Variants in SPTLC1 observed in about 807,000 individuals in gnomAD.
The protein encoded by SPTLC1 is serine palmitoyltransferase long chain base subunit 1, also known as serine palmitoyltransferase 1.
In SPTLC1, 55 loss-of-function variants were observed where a neutral mutation model predicts 68.9. That is an observed-to-expected ratio of 0.80 (90% CI 0.64 to 1.00). The LOEUF (loss-of-function observed/expected upper bound fraction) is 1.00, where lower values mean the gene tolerates loss of function less well. SPTLC1 is among the 50% of genes least tolerant of loss of function. SPTLC1 has a pLI of 0.00. For missense variants in SPTLC1, 449 were observed against 573.1 expected (o/e 0.78, Z 2.21); for synonymous variants, 197 against 201.6 (o/e 0.98, Z 0.19).
intron 3 of SPTLC1, among the ~76,000 whole-genome samples, chr9:92,091,552 T>G (rs767594891): frequency 6.6e-6 from 1 of 152,226 alleles, no homozygotes; most frequent in Non-Finnish European, 1.5e-5. Context: ...ATTTTAAATA[T>G]ATATGTGCAA....
At chr9:92,093,297 T>C (rs995326514) in intron 3 of SPTLC1, among the ~76,000 whole-genome samples, 4 of 152,214 alleles carry the variant, frequency 2.6e-5, no homozygotes, top group Admixed American at 1.3e-4. Context: ...TGGTCTCGAA[T>C]TGATAAGACT....
At chr9:92,046,096 G>C (rs1833505083) in intron 11 of SPTLC1, 43 bp from the exon 12 acceptor site, 1 of 1,498,452 alleles carries the variant, frequency 6.7e-7, no homozygotes, top group Non-Finnish European at 9.3e-7. Context: ...TGAAACTTAT[G>C]ATAGTACTAA....
chr9:92,085,608 A>G (rs1383652586), intron 3 of SPTLC1, among the ~76,000 whole-genome samples: 1 of 149,662 alleles, frequency 6.7e-6, no homozygotes, highest in Non-Finnish European at 1.5e-5. Flanking sequence ...TCTGAGAGAC[A>G]GTTTGTTATA....
At chr9:92,035,085 G>A (rs771948098) in intron 13 of SPTLC1, among the ~76,000 whole-genome samples, 1 of 152,208 alleles carries the variant, frequency 6.6e-6, no homozygotes, top group African/African-American at 2.4e-5. Flanking sequence ...CCTCTGTTGT[G>A]TAGTGCCCAG....
intron 5 of SPTLC1, among the ~76,000 whole-genome samples, chr9:92,073,190 A>C (rs1420674808): frequency 1.3e-5 from 2 of 152,164 alleles, no homozygotes; most frequent in African/African-American, 4.8e-5. Context: ...ACCTTTCCCA[A>C]ATCAGTCAGC....
At chr9:92,052,606 T>C (rs1451302532) in intron 8 of SPTLC1, among the ~76,000 whole-genome samples, 1 of 151,894 alleles carries the variant, frequency 6.6e-6, no homozygotes, top group African/African-American at 2.4e-5. Context: ...CTCGGCTCAC[T>C]GCAACCTCCA....
At chr9:92,114,481 A>C (rs1836363708) in intron 1 of SPTLC1, among the ~76,000 whole-genome samples, 2 of 152,302 alleles carry the variant, frequency 1.3e-5, no homozygotes, top group African/African-American at 4.8e-5. Flanking sequence ...CAAGCCTATA[A>C]TCCCAGCACT....
chr9:92,108,688 G>C, intron 3 of SPTLC1, 52 bp downstream of exon 3: 1 of 1,585,610 alleles, frequency 6.3e-7, no homozygotes, highest in Non-Finnish European at 8.6e-7. Flanking sequence ...ATAGACTGCA[G>C]GTTACTACAA....
At chr9:92,062,209 A>G (rs1192921067) in intron 6 of SPTLC1, among the ~76,000 whole-genome samples, 7 of 152,224 alleles carry the variant, frequency 4.6e-5, no homozygotes, top group Non-Finnish European at 8.8e-5. Context: ...GAAGAAAGAA[A>G]ATTATCAGAG....
intron 5 of SPTLC1, among the ~76,000 whole-genome samples, chr9:92,070,602 A>G (rs1437203896): frequency 6.6e-6 from 1 of 151,918 alleles, no homozygotes; most frequent in Admixed American, 6.6e-5. Context: ...AGGCCTCACT[A>G]TCTCGGTCAT....
At chr9:92,061,591 A>AT in intron 6 of SPTLC1, among the ~76,000 whole-genome samples, 1 of 152,240 alleles carries the variant, frequency 6.6e-6, no homozygotes, top group African/African-American at 2.4e-5. Flanking sequence ...AAATATGGGC[A>AT]AATACACTAG....
chr9:92,072,358 C>G (rs1400273476), intron 5 of SPTLC1, among the ~76,000 whole-genome samples: 2 of 152,108 alleles, frequency 1.3e-5, no homozygotes, highest in Non-Finnish European at 2.9e-5. Flanking sequence ...TCCTCTTATC[C>G]ATGTTTCCAA....
intron 3 of SPTLC1, among the ~76,000 whole-genome samples, chr9:92,084,236 C>T (rs1212740543): frequency 5.8e-4 from 88 of 150,488 alleles, no homozygotes; most frequent in Admixed American, 8.6e-4. Context: ...CCTTTATTTC[C>T]TTCTCCTGCC....
chr9:92,064,714 T>G (rs991304444), intron 6 of SPTLC1, among the ~76,000 whole-genome samples: 1 of 152,232 alleles, frequency 6.6e-6, no homozygotes, highest in African/African-American at 2.4e-5. Flanking sequence ...CTCAGATGTC[T>G]TTAAAAGGTA....
intron 12 of SPTLC1, among the ~76,000 whole-genome samples, chr9:92,044,336 C>G (rs1336538799): frequency 6.6e-6 from 1 of 152,182 alleles, no homozygotes; most frequent in African/African-American, 2.4e-5. Flanking sequence ...AAAAGGAAAT[C>G]CAGGCGTGCA....
At chr9:92,060,507 A>G (rs1834052797) in intron 6 of SPTLC1, among the ~76,000 whole-genome samples, 1 of 152,232 alleles carries the variant, frequency 6.6e-6, no homozygotes, top group Non-Finnish European at 1.5e-5. Flanking sequence ...CTACAGAGAT[A>G]TCAGAACTGA....
chr9:92,082,425 T>C (rs1834920271), intron 3 of SPTLC1, among the ~76,000 whole-genome samples: 2 of 128,792 alleles, frequency 1.6e-5, no homozygotes. Context: ...GAGTGTGATG[T>C]TCCCCTTCCT....
chr9:92,104,284 G>A (rs967695907), intron 3 of SPTLC1: 2 of 1,363,988 alleles, frequency 1.5e-6, no homozygotes, highest in African/African-American at 2.9e-5. Context: ...TCTTGTCCGT[G>A]AGGCCTTCCC....
intron 8 of SPTLC1, chr9:92,050,811 A>ATTTTTTTGATTTTTTTTTTTTTT (rs1554707062): frequency 9.5e-6 from 1 of 104,978 alleles, no homozygotes; most frequent in Admixed American, 1.1e-4. Flanking sequence ...CACAATACTG[A>ATTTTTTTGATTTTTTTTTTTTTT]TTTTTTTTTT....
Sources: allele counts gnomAD v4.1 joint callset (sites outside exome capture counted in the v4.1 genomes callset), GRCh38; gene constraint gnomAD v4.1.1; transcripts MANE v1.5; gene names NCBI Gene and HGNC (gene_info 2026-07-23, HGNC 2026-07-21).